ARHGAP24: variants seen among roughly 807,000 people sequenced by gnomAD.
ARHGAP24 encodes the protein Rho GTPase activating protein 24, also known as rho GTPase-activating protein 24.
Under a neutral mutation model 76.4 loss-of-function variants are expected in ARHGAP24, and 50 were observed. The ratio of observed to expected loss-of-function variants is 0.65; its 90% confidence interval spans 0.52 to 0.83. The LOEUF (loss-of-function observed/expected upper bound fraction) is 0.83, where lower values mean the gene tolerates loss of function less well. ARHGAP24 is among the 40% of genes least tolerant of loss of function. The pLI is 0.00. For missense variants in ARHGAP24, 930 were observed against 914.2 expected, an observed-to-expected ratio of 1.02 and a Z score of -0.22; for synonymous variants, 345 against 323.3, an observed-to-expected ratio of 1.07 and a Z score of -0.72.
At chr4:85,968,453 T>C (rs1234680953) in intron 5 of ARHGAP24, among the ~76,000 whole-genome samples, 1 of 152,178 alleles carries the variant, frequency 6.6e-6, no homozygotes. Context: ...AATTAACACA[T>C]ATTATTGATA....
At position 85,994,431 on chromosome 4, in the gene ARHGAP24, C is replaced by G. The variant is rs779218996; in HGVS notation, c.929-152C>G. Reference sequence around the variant, plus strand: ...AAAGTAAATGCTCAAGATGTTTTAGCTTCTATTGCTATTATCATAGTTAAG... The same window carrying G: ...AAAGTAAATGCTCAAGATGTTTTAGGTTCTATTGCTATTATCATAGTTAAG... On this transcript the variant is annotated intron_variant, in intron 8 of 9. Coordinates refer to ENST00000395184, the MANE Select transcript of ARHGAP24 (RefSeq NM_001025616.3). 4.6e-5 allele frequency: 37 copies of G among 801,384 alleles called. 1 individual carries two copies. The South Asian group carries it at 5.8e-4, about 13-fold the overall frequency. The allele number at this position is 801,384 out of a possible 1,614,324, so 49.6% of individuals were successfully genotyped here.
At position 85,974,009 on chromosome 4, in the gene ARHGAP24, A is replaced by ATTT. The variant is rs201491396; in HGVS notation, c.733-862_733-860dup. On this transcript the variant is annotated intron_variant, in intron 6 of 9. Coordinates refer to ENST00000395184, the MANE Select transcript of ARHGAP24 (RefSeq NM_001025616.3). ...AGGCGCCCGCCACCAAGCCTGGCTAATTTTTTTTTTTTTTTTTTTGTATTT... is the reference window on the plus strand; with the variant it reads ...AGGCGCCCGCCACCAAGCCTGGCTAATTTTTTTTTTTTTTTTTTTTTTGTATTT... 3.8e-4 allele frequency among the ~76,000 whole-genome samples: 48 copies of ATTT among 127,118 alleles called. 1 individual carries two copies. Among genetic ancestry groups the ATTT allele is most frequent in the African/African-American group, 1.4e-3 (45 of 33,192 alleles). The allele number at this position is 127,118 out of a possible 152,430, so 83.4% of individuals were successfully genotyped here.
chr4:85,503,974 A>G (rs1010360463), intron 1 of ARHGAP24, among the ~76,000 whole-genome samples: 6 of 152,080 alleles, frequency 3.9e-5, no homozygotes, highest in Non-Finnish European at 8.8e-5. Flanking sequence ...TTAGTTATTT[A>G]CCCAGTAGTC....
At chr4:85,578,639 T>C (rs990106647) in intron 2 of ARHGAP24, among the ~76,000 whole-genome samples, 3 of 152,176 alleles carry the variant, frequency 2.0e-5, no homozygotes, top group African/African-American at 7.2e-5. Context: ...CATCATAAAA[T>C]ACCTATCTCA....
intron 3 of ARHGAP24, among the ~76,000 whole-genome samples, chr4:85,834,013 A>G (rs1441276583): frequency 6.6e-6 from 1 of 152,258 alleles, no homozygotes; most frequent in Non-Finnish European, 1.5e-5. Context: ...ATCACATATT[A>G]CGAAGTTTAG....
Position 85,797,324 on chromosome 4 carries a change from C to T in ARHGAP24, c.268+75352C>T, listed in dbSNP as rs1205477845. On this transcript the variant is annotated intron_variant, in intron 3 of 9. Transcript: ENST00000395184. ...AGCAGCTGGGACTACAGGCGCCCGC[C>T]ACCACGCCCAGCTAATTTTTTTGTA... Among the ~76,000 whole-genome samples the T allele has an allele frequency of 3.9e-5, 6 of 152,048 alleles. No individual in the cohort carries two copies. In the East Asian group the frequency reaches 5.8e-4, roughly 15 times the overall value.
At chr4:85,785,919 A>G (rs1030647167) in intron 3 of ARHGAP24, among the ~76,000 whole-genome samples, 2 of 152,044 alleles carry the variant, frequency 1.3e-5, no homozygotes, top group African/African-American at 4.8e-5. Context: ...TCTTATACCC[A>G]GTATGGGTTT....
At chr4:85,651,432 G>A (rs1042909145) in intron 2 of ARHGAP24, among the ~76,000 whole-genome samples, 7 of 149,190 alleles carry the variant, frequency 4.7e-5, no homozygotes, top group South Asian at 2.1e-4. Context: ...GAGATGGGAC[G>A]TGAAGGACAC....
At chr4:85,674,749 G>C (rs1229024557) in intron 2 of ARHGAP24, among the ~76,000 whole-genome samples, 1 of 152,162 alleles carries the variant, frequency 6.6e-6, no homozygotes, top group Non-Finnish European at 1.5e-5. Flanking sequence ...GGATATACCA[G>C]GATTAACCTT....
chr4:85,717,100 A>G (rs1724763024), intron 2 of ARHGAP24, among the ~76,000 whole-genome samples: 2 of 152,122 alleles, frequency 1.3e-5, no homozygotes, highest in Non-Finnish European at 2.9e-5. Flanking sequence ...ATTTACTAAG[A>G]GAGAATTTTA....
chr4:85,846,912 TA>T (rs1190805704), intron 3 of ARHGAP24, among the ~76,000 whole-genome samples: 1 of 152,202 alleles, frequency 6.6e-6, no homozygotes, highest in Non-Finnish European at 1.5e-5. Flanking sequence ...ACTGCCAGCT[TA>T]TAACTCAACT....
chr4:85,894,009 T>G (rs1733990601), intron 3 of ARHGAP24, among the ~76,000 whole-genome samples: 1 of 143,074 alleles, frequency 7.0e-6, no homozygotes. Flanking sequence ...AGATGACACG[T>G]TAGTGGGTGC....
intron 3 of ARHGAP24, among the ~76,000 whole-genome samples, chr4:85,916,793 T>A (rs1191259610): frequency 6.6e-6 from 1 of 152,206 alleles, no homozygotes; most frequent in African/African-American, 2.4e-5. Flanking sequence ...CAGTTTCCTT[T>A]GTGCAACTGC....
chr4:85,513,405 C>T (rs185261840), intron 1 of ARHGAP24, among the ~76,000 whole-genome samples: 16 of 152,236 alleles, frequency 1.1e-4, no homozygotes, highest in Admixed American at 3.9e-4. Flanking sequence ...CCCCTGGGAG[C>T]ACTAGTACTC....
chr4:85,633,111 G>T (rs761309832), intron 2 of ARHGAP24, among the ~76,000 whole-genome samples: 1 of 151,862 alleles, frequency 6.6e-6, no homozygotes, highest in Non-Finnish European at 1.5e-5. Context: ...TTACCAGGCT[G>T]CTCATATGAA....
intron 2 of ARHGAP24, among the ~76,000 whole-genome samples, chr4:85,654,955 G>A (rs1021233549): frequency 6.6e-6 from 1 of 152,136 alleles, no homozygotes; most frequent in Non-Finnish European, 1.5e-5. Context: ...TGATTAAATT[G>A]AATATATACA....
intron 1 of ARHGAP24, among the ~76,000 whole-genome samples, chr4:85,484,598 T>C (rs1014376604): frequency 6.6e-6 from 1 of 152,172 alleles, no homozygotes; most frequent in African/African-American, 2.4e-5. Context: ...GTGCGTTGTG[T>C]GTAATGTTAT....
At chr4:85,884,926 CT>C (rs960836348) in intron 3 of ARHGAP24, among the ~76,000 whole-genome samples, 2 of 152,046 alleles carry the variant, frequency 1.3e-5, no homozygotes, top group Admixed American at 6.6e-5. Context: ...AATGTGCCAC[CT>C]TTTACACAGT....
chr4:85,707,499 T>G (rs899688125), intron 2 of ARHGAP24, among the ~76,000 whole-genome samples: 1 of 152,242 alleles, frequency 6.6e-6, no homozygotes, highest in African/African-American at 2.4e-5. Flanking sequence ...GTGGTTATAA[T>G]AATCATAAAA....
Sources: gnomAD v4.1 joint callset for allele counts (sites outside exome capture counted in the v4.1 genomes callset) on GRCh38, gnomAD v4.1.1 for gene constraint, MANE v1.5 for transcripts, NCBI Gene and HGNC (gene_info 2026-07-23, HGNC 2026-07-21) for gene names.